Variants in LILRB3 observed in about 807,000 individuals in gnomAD.
LILRB3 encodes the protein leukocyte immunoglobulin like receptor B3, also known as leukocyte immunoglobulin-like receptor subfamily B member 3.
Under a neutral mutation model 68.2 loss-of-function variants are expected in LILRB3, and 32 were observed. The observed-to-expected ratio is 0.47, with a 90% CI of 0.35 to 0.63. The LOEUF (loss-of-function observed/expected upper bound fraction) is 0.63, where lower values mean the gene tolerates loss of function less well. Among genes scored for constraint, LILRB3 ranks in the 30% least tolerant of loss-of-function variants. The pLI is 0.00. For missense variants in LILRB3, 502 were observed against 791.3 expected (o/e 0.63, Z 4.39); for synonymous variants, 185 against 323.1 (o/e 0.57, Z 4.58).
Position 54,218,839 on chromosome 19 carries a change from C to T in LILRB3, c.1427-1G>A. On this transcript the variant is annotated splice_acceptor_variant, in intron 8 of 12. Transcript: ENST00000445347. LOFTEE classifies it high-confidence loss of function. ...CGCTGGAAATCAGTCTTTCTCTGGT[C>T]TGGGTGAAGATGGACAGAGTCTCAG... 1.2e-6 allele frequency: 2 copies of T among 1,613,944 alleles called. No homozygotes were observed. The highest frequency in any genetic ancestry group is 1.7e-6 in the Non-Finnish European group (2 of 1,179,868).
chr19:54,219,922 G>C, intron 7 of LILRB3: 1 of 1,535,024 alleles, frequency 6.5e-7, no homozygotes, highest in Non-Finnish European at 8.8e-7. Context: ...AGGACCTCCT[G>C]GGTCAGGACA....
intron 7 of LILRB3, chr19:54,219,619 G>A: frequency 6.6e-7 from 1 of 1,523,842 alleles, no homozygotes; most frequent in Non-Finnish European, 8.8e-7. Flanking sequence ...GACGGGACAG[G>A]CCCCTGTGGA....
At chr19:54,216,901 T>G in exon 13 of LILRB3, 2 of 1,440,202 alleles carry the variant, frequency 1.4e-6, no homozygotes, top group Non-Finnish European at 1.8e-6. Context: ...GTCTGTTGCT[T>G]TATTTCCAAA....
In LILRB3 at chr19:54,217,037, C is replaced by T. The variant is rs952604343; in HGVS notation, c.*56G>A. 3.1e-6 allele frequency: 5 copies of T among 1,613,518 alleles called. No individual in the cohort carries two copies. In the African/African-American group the frequency reaches 4.0e-5, roughly 13 times the overall value. On this transcript the variant is annotated 3_prime_UTR_variant, in exon 13 of 13. Coordinates refer to ENST00000445347, the Ensembl canonical transcript of LILRB3. ...GTGTCCACTGGGGGCAGCTCCCGTGCCTTCAGCAGTCCTGAGTCTCCTTCT... is the reference window on the plus strand; with the variant it reads ...GTGTCCACTGGGGGCAGCTCCCGTGTCTTCAGCAGTCCTGAGTCTCCTTCT...
chr19:54,217,406 TTCTC>T lies in LILRB3; in HGVS notation c.1658_1661del (p.Arg553LysfsTer40), dbSNP rs2077584478. On this transcript the variant is annotated frameshift_variant, in exon 12 of 13. Coordinates refer to ENST00000445347, the Ensembl canonical transcript of LILRB3. LOFTEE classifies it high-confidence loss of function. ...ACAGTGAGGAGGGAGGAGAGGCCAT[TTCTC>T]TCCTAGGACTGGAGTGTTTCACCGG... is the stretch of plus-strand genomic sequence containing the variant. 1.2e-6 allele frequency: 2 copies of T among 1,606,738 alleles called. No individual in the cohort carries two copies. Among genetic ancestry groups the T allele is most frequent in the Non-Finnish European group, 1.7e-6 (2 of 1,178,316 alleles).
chr19:54,217,915 G>A (rs2077649775), intron 11 of LILRB3, among the ~76,000 whole-genome samples: 1 of 151,684 alleles, frequency 6.6e-6, no homozygotes, highest in Admixed American at 6.6e-5. Context: ...TCCTGGACAC[G>A]ATGCATTTAT....
At chr19:54,218,787 G>T in exon 9 of LILRB3, 1 of 1,614,032 alleles carries the variant, frequency 6.2e-7, no homozygotes, top group Non-Finnish European at 8.5e-7. Flanking sequence ...CCTGTCCTTG[G>T]GCTCTGTCTC....
chr19:54,221,709 C>T lies in LILRB3; in HGVS notation c.658+119G>A. 11 of 1,581,310 alleles carry T rather than the reference C, an allele frequency of 7.0e-6. No homozygotes were observed. In the South Asian group the frequency reaches 9.0e-5, roughly 13 times the overall value. ...CCTCCCCATGGGGTCTCCCTCATGC[C>T]TTCAGCCCGTCCTTCAACACATCAC... On this transcript the variant is annotated intron_variant, in intron 4 of 12. Transcript: ENST00000445347.
chr19:54,222,526 C>A (rs759414644), exon 3 of LILRB3: 2 of 1,610,726 alleles, frequency 1.2e-6, no homozygotes, highest in East Asian at 2.2e-5. Context: ...GATCACAGAG[C>A]CTGGCTCAGC....
At chr19:54,218,481 C>T in intron 10 of LILRB3, 68 bp from the exon 11 acceptor site, 1 of 1,608,160 alleles carries the variant, frequency 6.2e-7, no homozygotes, top group South Asian at 1.1e-5. Context: ...TGGCCCCCTG[C>T]CCTGCTCCCA....
rs1428296187 is a variant in LILRB3, at chr19:54,219,808, CAG to C, written c.1309+345_1309+346del. 28 of 1,523,776 alleles carry C rather than the reference CAG, an allele frequency of 1.8e-5. No homozygotes were observed. The Admixed American group carries it at 4.7e-4, about 26-fold the overall frequency. 94.4% of individuals were successfully genotyped at this position (1,523,776 alleles called of 1,614,324 possible). A position where few individuals can be genotyped will look rare whatever the true frequency, so the allele number is the denominator to read the frequency against. ...CCTCCAGAGGAGCCTGAACCTAGGA[CAG>C]AACCCACCCCTGCCTCCCCTGGACC... On this transcript the variant is annotated intron_variant, in intron 7 of 12. Coordinates refer to ENST00000445347, the Ensembl canonical transcript of LILRB3.
exon 13 of LILRB3, chr19:54,216,493 G>T (rs1050689894): frequency 5.5e-6 from 2 of 360,432 alleles, no homozygotes; most frequent in Non-Finnish European, 7.7e-6. Context: ...TGTATTTTTA[G>T]TAGAGACGGG....
rs1410114491 is a variant in LILRB3, at chr19:54,222,127, A to C, written c.359T>G (p.Phe120Cys). ...GGCTGAGAGGGTGGGTTTGTTGTAGAATCCTAGGAGAGAAAGAGGCACCGT... is the reference window on the plus strand; with the variant it reads ...GGCTGAGAGGGTGGGTTTGTTGTAGCATCCTAGGAGAGAAAGAGGCACCGT... Residue 120 changes from phenylalanine (F) to cysteine (C), a missense_variant, in exon 4 of 13, where the codon TTC (phenylalanine) becomes TGC (cysteine). By Grantham distance (205) the Phe-to-Cys change is radical. Transcript: ENST00000445347. The C allele has an allele frequency of 2.5e-6, 4 of 1,588,938 alleles. No homozygotes were observed. The African/African-American group carries it at 6.0e-5, about 24-fold the overall frequency.
At chr19:54,219,965 A>C (rs2077940192) in intron 7 of LILRB3, 190 bp downstream of exon 7, 1 of 1,313,370 alleles carries the variant, frequency 7.6e-7, no homozygotes, top group Non-Finnish European at 1.1e-6. Flanking sequence ...CTTGCCCCCC[A>C]CATCAGCCCG....
intron 1 of LILRB3, 67 bp downstream of exon 1, chr19:54,222,876 A>T: frequency 6.2e-7 from 1 of 1,612,572 alleles, no homozygotes. Context: ...CTGATGGACC[A>T]GGGCTTGTGT....
Position 54,222,734 on chromosome 19 carries a change from G to C in LILRB3, c.70+13C>G. ...GAGGAGTAGGGACCTGGGACAGCTG[G>C]GGACAGACTCACCTGCCTGCATGCG... On this transcript the variant is annotated intron_variant, in intron 2 of 12. Coordinates refer to ENST00000445347, the Ensembl canonical transcript of LILRB3. The C allele has an allele frequency of 6.2e-7, 1 of 1,612,594 alleles. No individual in the cohort carries two copies. The highest frequency in any genetic ancestry group is 8.5e-7 in the Non-Finnish European group (1 of 1,179,874).
chr19:54,219,760 G>A (rs2077898027), intron 7 of LILRB3: 4 of 1,484,736 alleles, frequency 2.7e-6, no homozygotes, highest in Admixed American at 2.3e-5. Flanking sequence ...CCCAGGCAGG[G>A]GAGGGGCCTG....
exon 13 of LILRB3, chr19:54,217,182 G>A (rs1218870572): frequency 3.7e-6 from 6 of 1,613,760 alleles, no homozygotes; most frequent in Non-Finnish European, 5.1e-6. Flanking sequence ...TTCCGTCTAA[G>A]GGTCAAGCTG....
At chr19:54,216,849 T>C (rs1249180402) in exon 13 of LILRB3, 64 of 1,407,734 alleles carry the variant, frequency 4.5e-5, no homozygotes, top group Non-Finnish European at 5.9e-5. Context: ...CGTCTGTTTT[T>C]GTTTTTTGTT....
Sources: allele counts gnomAD v4.1 joint callset (sites outside exome capture counted in the v4.1 genomes callset), GRCh38; gene constraint gnomAD v4.1.1; transcripts MANE v1.5; gene names NCBI Gene and HGNC (gene_info 2026-07-23, HGNC 2026-07-21).